The following NKAIN3 variants were observed in gnomAD, a reference collection of about 807,000 sequenced individuals.
NKAIN3 encodes the protein sodium/potassium transporting ATPase interacting 3, also known as sodium/potassium-transporting ATPase subunit beta-1-interacting protein 3.
In NKAIN3, 25 loss-of-function variants were observed where a neutral mutation model predicts 30.2. That is an observed-to-expected ratio of 0.83 (90% CI 0.60 to 1.16). The LOEUF (loss-of-function observed/expected upper bound fraction) is 1.16, where lower values mean the gene tolerates loss of function less well. Ranked by LOEUF, NKAIN3 falls within the 50% of genes most tolerant of loss-of-function variation. The pLI, the probability that NKAIN3 is intolerant of heterozygous loss-of-function variation, is 0.00. For missense variants in NKAIN3, 225 were observed against 254.1 expected, an observed-to-expected ratio of 0.89 and a Z score of 0.78; for synonymous variants, 91 against 89.6, an observed-to-expected ratio of 1.02 and a Z score of -0.09.
At chr8:62,545,738 T>C (rs1020299454) in intron 1 of NKAIN3, among the ~76,000 whole-genome samples, 2 of 152,214 alleles carry the variant, frequency 1.3e-5, no homozygotes, top group African/African-American at 4.8e-5. Flanking sequence ...TTTCCATTGT[T>C]TACTGTTACA....
chr8:62,916,862 A>T (rs966476654), intron 4 of NKAIN3, among the ~76,000 whole-genome samples: 1 of 152,062 alleles, frequency 6.6e-6, no homozygotes, highest in Non-Finnish European at 1.5e-5. Flanking sequence ...TCTGGCAGGG[A>T]TACTCTCTGA....
At chr8:62,585,129 G>A (rs553037800) in intron 2 of NKAIN3, among the ~76,000 whole-genome samples, 1 of 152,262 alleles carries the variant, frequency 6.6e-6, no homozygotes, top group East Asian at 1.9e-4. Flanking sequence ...CTTGGTTGAG[G>A]GAATTAATTA....
chr8:62,794,739 G>A (rs1018084359), intron 4 of NKAIN3, among the ~76,000 whole-genome samples: 2 of 152,118 alleles, frequency 1.3e-5, no homozygotes, highest in Admixed American at 6.6e-5. Context: ...GTGATACTGC[G>A]TATAATTTGT....
rs1819448841 is a variant in NKAIN3 at position 62,838,933 on chromosome 8, A to G, written c.472-79520A>G. Among the ~76,000 whole-genome samples the G allele has an allele frequency of 3.3e-5, 5 of 152,250 alleles. 1 individual carries two copies. In the South Asian group the frequency reaches 1.0e-3, roughly 32 times the overall value. ...GGATAACTCGGGTAGAAATTGTAAT[A>G]CACACCAGCGTCATCTCCCATCTTG... On this transcript the variant is annotated intron_variant, in intron 4 of 6. Coordinates refer to ENST00000623646, the MANE Select transcript of NKAIN3 (RefSeq NM_001304533.3).
intron 3 of NKAIN3, among the ~76,000 whole-genome samples, chr8:62,635,077 G>A (rs1410051691): frequency 2.6e-5 from 4 of 152,094 alleles, no homozygotes; most frequent in African/African-American, 9.7e-5. Context: ...TGGGCATGAG[G>A]GAGGAAACAA....
At chr8:62,864,256 A>C (rs964904955) in intron 4 of NKAIN3, 42 of 953,562 alleles carry the variant, frequency 4.4e-5, no homozygotes, top group Non-Finnish European at 6.8e-5. Flanking sequence ...GAGGCGGCCG[A>C]GGCAGACGGC....
At chr8:62,879,199 C>T (rs1820895107) in intron 4 of NKAIN3, among the ~76,000 whole-genome samples, 1 of 152,154 alleles carries the variant, frequency 6.6e-6, no homozygotes, top group African/African-American at 2.4e-5. Context: ...TTAATGATCG[C>T]CATTCTAACT....
intron 5 of NKAIN3, among the ~76,000 whole-genome samples, chr8:62,928,959 G>A (rs1822532857): frequency 6.6e-6 from 1 of 152,162 alleles, no homozygotes; most frequent in Admixed American, 6.5e-5. Context: ...GGGAGAGTTA[G>A]GAGTCCAGCG....
At chr8:62,700,757 GT>G (rs1814308005) in intron 3 of NKAIN3, among the ~76,000 whole-genome samples, 1 of 152,192 alleles carries the variant, frequency 6.6e-6, no homozygotes, top group African/African-American at 2.4e-5. Context: ...ACTGTTTTGT[GT>G]TGTCTAGTTA....
intron 4 of NKAIN3, among the ~76,000 whole-genome samples, chr8:62,832,143 C>A (rs1352806498): frequency 5.3e-5 from 8 of 151,898 alleles, no homozygotes; most frequent in Non-Finnish European, 7.4e-5. Context: ...GAAATAAAAT[C>A]TTTTCCATAA....
chr8:62,990,277 C>T (rs1824294913), intron 5 of NKAIN3: 28 of 1,481,650 alleles, frequency 1.9e-5, no homozygotes, highest in Non-Finnish European at 2.5e-5. Context: ...TCAGTCAAGC[C>T]TCATGTGCTT....
At chr8:62,798,905 G>A (rs1235354757) in intron 4 of NKAIN3, among the ~76,000 whole-genome samples, 1 of 152,126 alleles carries the variant, frequency 6.6e-6, no homozygotes, top group Non-Finnish European at 1.5e-5. Flanking sequence ...CACTAATTAG[G>A]ATGGAAGAAC....
intron 4 of NKAIN3, among the ~76,000 whole-genome samples, chr8:62,762,695 G>T (rs1033727288): frequency 6.6e-6 from 1 of 152,122 alleles, no homozygotes; most frequent in South Asian, 2.1e-4. Context: ...CTAGACAACA[G>T]TTCTTGCAGG....
chr8:62,827,631 C>A (rs899674), intron 4 of NKAIN3, among the ~76,000 whole-genome samples: 1 of 151,856 alleles, frequency 6.6e-6, no homozygotes, highest in Non-Finnish European at 1.5e-5. Flanking sequence ...ATCCTCAATT[C>A]TCTATCACAT....
intron 3 of NKAIN3, among the ~76,000 whole-genome samples, chr8:62,626,560 C>T (rs1326555121): frequency 6.6e-6 from 1 of 152,072 alleles, no homozygotes; most frequent in African/African-American, 2.4e-5. Context: ...TGCATTATGA[C>T]ACATGTCTAA....
chr8:62,500,513 G>A (rs992305922), intron 1 of NKAIN3, among the ~76,000 whole-genome samples: 238 of 140,312 alleles, frequency 1.7e-3, no homozygotes, highest in Non-Finnish European at 2.1e-3. Context: ...AAGAAGGAAA[G>A]AAAGAAAGAG....
chr8:62,908,225 G>T (rs1586334641), intron 4 of NKAIN3, among the ~76,000 whole-genome samples: 1 of 152,156 alleles, frequency 6.6e-6, no homozygotes, highest in African/African-American at 2.4e-5. Flanking sequence ...TCTCCCATTT[G>T]CAATAGGTGT....
At chr8:62,763,508 A>G (rs564581842) in intron 4 of NKAIN3, among the ~76,000 whole-genome samples, 2 of 152,324 alleles carry the variant, frequency 1.3e-5, no homozygotes, top group East Asian at 1.9e-4. Context: ...ATTGATTTAC[A>G]TAAATTCAAG....
At chr8:62,851,806 C>A (rs1819906681) in intron 4 of NKAIN3, among the ~76,000 whole-genome samples, 1 of 152,120 alleles carries the variant, frequency 6.6e-6, no homozygotes, top group African/African-American at 2.4e-5. Flanking sequence ...AGGATGAAGC[C>A]CACTTGATCA....
Sources: allele counts gnomAD v4.1 joint callset (sites outside exome capture counted in the v4.1 genomes callset), GRCh38; gene constraint gnomAD v4.1.1; transcripts MANE v1.5; gene names NCBI Gene and HGNC (gene_info 2026-07-23, HGNC 2026-07-21).